The following PAK4 variants were observed in gnomAD, a reference collection of about 807,000 sequenced individuals.
The protein encoded by PAK4 is serine/threonine-protein kinase PAK 4.
A neutral mutation model predicts 53.5 loss-of-function variants in PAK4; 49 were observed. The observed-to-expected ratio is 0.92, with a 90% CI of 0.73 to 1.16. The LOEUF (loss-of-function observed/expected upper bound fraction) is 1.16. Among genes scored for constraint, PAK4 ranks in the 50% most tolerant of loss-of-function variants. The pLI, the probability that PAK4 is intolerant of heterozygous loss-of-function variation, is 0.00. For missense variants in PAK4, 824 were observed against 850.7 expected, an observed-to-expected ratio of 0.97 and a Z score of 0.39; for synonymous variants, 376 against 375.6, an observed-to-expected ratio of 1.00 and a Z score of -0.01.
chr19:39,177,748 C>G, exon 8 of PAK4: 1 of 1,613,648 alleles, frequency 6.2e-7, no homozygotes, highest in Non-Finnish European at 8.5e-7. Context: ...AACGAGCCAC[C>G]CCTCAAAGCC....
chr19:39,127,225 C>CAA (rs2073602896), intron 1 of PAK4, among the ~76,000 whole-genome samples: 1 of 151,972 alleles, frequency 6.6e-6, no homozygotes, highest in African/African-American at 2.4e-5. Flanking sequence ...CCTAAGCTCT[C>CAA]ACTGTGGTCC....
intron 1 of PAK4, among the ~76,000 whole-genome samples, chr19:39,143,656 G>A (rs1458508306): frequency 3.0e-4 from 21 of 69,942 alleles, no homozygotes; most frequent in South Asian, 5.5e-4. Flanking sequence ...ATAAAAGAAA[G>A]AAAATGACTG....
At chr19:39,148,303 T>C (rs547014935) in intron 1 of PAK4, among the ~76,000 whole-genome samples, 1 of 151,960 alleles carries the variant, frequency 6.6e-6, no homozygotes, top group East Asian at 1.9e-4. Flanking sequence ...TTTGCAAATA[T>C]TCTCTCCCAG....
Position 39,173,464 on chromosome 19 carries a change from A to G in PAK4, c.663+88A>G. ...TTCCAGCCCCGCCCCACCACCGTGC[A>G]TCTCATCCTGACCACCCATGTGTCT... On this transcript the variant is annotated intron_variant, in intron 3 of 8. Transcript: ENST00000358301. This position sits in a 1 kb window ranked among gnomAD's most constrained non-coding sequence, Gnocchi z 6.9. The G allele has an allele frequency of 7.7e-7, 1 of 1,298,564 alleles. No homozygotes were observed. The highest frequency in any genetic ancestry group is 1.0e-6 in the Non-Finnish European group (1 of 964,478). 80.4% of individuals were successfully genotyped at this position (1,298,564 alleles called of 1,614,324 possible).
At chr19:39,163,514 T>G (rs1052580103) in intron 1 of PAK4, among the ~76,000 whole-genome samples, 3 of 151,204 alleles carry the variant, frequency 2.0e-5, no homozygotes, top group African/African-American at 4.9e-5. Flanking sequence ...AGAATGGGGG[T>G]GGTGGGACCC....
chr19:39,175,842 G>A lies in PAK4; in HGVS notation c.1359+404G>A, dbSNP rs111508292. ...AATCTGAGGCTGTGACAATTATAAC[G>A]TCGGGTGGACATGATTTTCTGTGAG... On this transcript the variant is annotated intron_variant, in intron 6 of 8. Transcript: ENST00000358301. The surrounding 1 kb of genome is among the most constrained non-coding windows in gnomAD (Gnocchi z 4.7). 1.3e-5 allele frequency among the ~76,000 whole-genome samples: 2 copies of A among 152,224 alleles called. No homozygotes were observed. Among genetic ancestry groups the A allele is most frequent in the Non-Finnish European group, 2.9e-5 (2 of 68,040 alleles).
intron 1 of PAK4, among the ~76,000 whole-genome samples, chr19:39,136,177 A>C: frequency 1.6e-5 from 2 of 121,860 alleles, no homozygotes; most frequent in East Asian, 2.4e-4. Context: ...AGTTCAAGCC[A>C]CCCTCATCTC....
At chr19:39,142,316 C>G (rs2073923908) in intron 1 of PAK4, among the ~76,000 whole-genome samples, 1 of 152,222 alleles carries the variant, frequency 6.6e-6, no homozygotes, top group African/African-American at 2.4e-5. Flanking sequence ...GAAGCTCGAT[C>G]TGATGCAGGT....
rs1262149841 is a variant in PAK4, at chr19:39,161,700, A to G, written c.-22-7832A>G. On this transcript the variant is annotated intron_variant, in intron 1 of 8. Transcript: ENST00000358301. The surrounding 1 kb of genome is among the most constrained non-coding windows in gnomAD (Gnocchi z 4.5). Reference sequence around the variant, plus strand: ...GACCAGGCCCTCCCGGTGGCCCCCAAAGCCCCACACGATCTGCCCCATTAC... The same window carrying G: ...GACCAGGCCCTCCCGGTGGCCCCCAGAGCCCCACACGATCTGCCCCATTAC... 6.6e-6 allele frequency among the ~76,000 whole-genome samples: 1 copy of G among 151,328 alleles called. No homozygotes were observed. Among genetic ancestry groups the G allele is most frequent in the Non-Finnish European group, 1.5e-5 (1 of 67,776 alleles).
chr19:39,176,414 AG>A, intron 6 of PAK4, 175 bp from the exon 8 acceptor site: 1 of 758,302 alleles, frequency 1.3e-6, no homozygotes, highest in Non-Finnish European at 2.2e-6. Context: ...CCCCACCAGG[AG>A]GTGGTGGAGC....
rs151137853 is a variant in PAK4, at chr19:39,177,689, G to A, written c.1500G>A (p.Ser500=). Residue 500 remains serine, a synonymous_variant, in exon 8 of 9, where the codon TCG becomes TCA. Transcript: ENST00000358301. ...TCCCGCCCCAGGTAGACATCTGGTC[G>A]CTGGGGATAATGGTGATTGAGATGG... is the stretch of plus-strand genomic sequence containing the variant. The A allele has an allele frequency of 8.2e-4, 1,321 of 1,613,042 alleles. 9 individuals carry two copies. In the African/African-American group the frequency reaches 0.01, roughly 12 times the overall value.
At chr19:39,179,371 G>A (rs1299980476) in exon 9 of PAK4, 1 of 142,836 alleles carries the variant, frequency 7.0e-6, no homozygotes, top group East Asian at 2.4e-4. Flanking sequence ...CCTGCCTCGA[G>A]TTAGTTTTAC....
At chr19:39,166,443 AAAAT>A (rs1004714988) in intron 1 of PAK4, among the ~76,000 whole-genome samples, 23 of 152,326 alleles carry the variant, frequency 1.5e-4, no homozygotes, top group Admixed American at 5.2e-4. Flanking sequence ...GACTCCGTTT[AAAAT>A]AAATAAATAA....
rs2074579217 is a variant in PAK4 at position 39,175,255 on chromosome 19, C to T, written c.1233-57C>T. The T allele has an allele frequency of 9.8e-6, 15 of 1,529,206 alleles. No individual in the cohort carries two copies. Among genetic ancestry groups the T allele is most frequent in the Non-Finnish European group, 1.2e-5 (14 of 1,128,722 alleles). The allele number at this position is 1,529,206 out of a possible 1,614,324, so 94.7% of individuals were successfully genotyped here. ...CCACTGCAAGGCAGGGCTGCGTCCC[C>T]CTCGGCACCCCGGGGTGCTGTCCAG... On this transcript the variant is annotated intron_variant, in intron 5 of 8. Coordinates refer to ENST00000358301, the Ensembl canonical transcript of PAK4. This position sits in a 1 kb window ranked among gnomAD's most constrained non-coding sequence, Gnocchi z 4.7.
At chr19:39,155,564 A>G (rs937684721) in intron 1 of PAK4, among the ~76,000 whole-genome samples, 3 of 152,144 alleles carry the variant, frequency 2.0e-5, no homozygotes, top group African/African-American at 7.2e-5. Context: ...CACAGGAGAA[A>G]CAGTTACACC....
intron 1 of PAK4, among the ~76,000 whole-genome samples, chr19:39,167,179 C>T (rs1318714424): frequency 6.6e-6 from 1 of 152,194 alleles, no homozygotes; most frequent in African/African-American, 2.4e-5. Context: ...ATGGCTGATC[C>T]TCTTCCCGTG....
At chr19:39,132,310 C>T (rs1357144179) in intron 1 of PAK4, among the ~76,000 whole-genome samples, 1 of 152,228 alleles carries the variant, frequency 6.6e-6, no homozygotes, top group Admixed American at 6.5e-5. Flanking sequence ...CAGGGACGAG[C>T]AAATCTCTTT....
intron 1 of PAK4, among the ~76,000 whole-genome samples, chr19:39,164,277 CA>C (rs57848634): frequency 0.31 from 24,333 of 77,726 alleles, 1,956 homozygotes; most frequent in East Asian, 0.48. Flanking sequence ...AACTCTGTCT[CA>C]AAAAAAAAAA....
chr19:39,128,117 A>G (rs2073624939), intron 1 of PAK4, among the ~76,000 whole-genome samples: 1 of 152,206 alleles, frequency 6.6e-6, no homozygotes, highest in Non-Finnish European at 1.5e-5. Context: ...ACCCCTCTCC[A>G]TCACTCACAG....
Sources: allele counts gnomAD v4.1 joint callset (sites outside exome capture counted in the v4.1 genomes callset), GRCh38; gene constraint gnomAD v4.1.1; non-coding constraint Gnocchi (gnomAD v3.1); transcripts MANE v1.5; gene names NCBI Gene and HGNC (gene_info 2026-07-23, HGNC 2026-07-21).